TMEM178A: variants seen among roughly 807,000 people sequenced by gnomAD.
The protein encoded by TMEM178A is transmembrane protein 178A.
TMEM178A carries 12 observed loss-of-function variants against 29.1 expected under a neutral mutation model. That is an observed-to-expected ratio of 0.41 (90% CI 0.26 to 0.67). TMEM178A has a LOEUF of 0.67. TMEM178A is among the 30% of genes least tolerant of loss of function. The pLI is 0.29. For synonymous variants in TMEM178A, 210 were observed against 187.2 expected, an observed-to-expected ratio of 1.12 and a Z score of -0.99; for missense variants, 366 against 419.1, an observed-to-expected ratio of 0.87 and a Z score of 1.11.
intron 1 of TMEM178A, among the ~76,000 whole-genome samples, chr2:39,673,473 T>C (rs1490166445): frequency 6.6e-6 from 1 of 152,240 alleles, no homozygotes; most frequent in Non-Finnish European, 1.5e-5. Flanking sequence ...ATTTCGTTCA[T>C]AGGTAAAAAT....
chr2:39,723,423 A>G, the TMEM178A span, among the ~76,000 whole-genome samples: 4 of 152,362 alleles, frequency 2.6e-5, no homozygotes, highest in South Asian at 8.3e-4. Flanking sequence ...ATAAATAGAT[A>G]TATAAGTAAA....
Position 39,666,165 on chromosome 2 carries a change from A to G in TMEM178A, c.191A>G (p.His64Arg). 1 of 1,485,696 alleles carries G rather than the reference A, an allele frequency of 6.7e-7. No homozygotes were observed. Among genetic ancestry groups the G allele is most frequent in the Non-Finnish European group, 8.9e-7 (1 of 1,123,858 alleles). The allele number at this position is 1,485,696 out of a possible 1,614,324, so 92.0% of individuals were successfully genotyped here. ...AAGAACCGCCTGATGCCGCTGTCGC[A>G]CCTGCCGCTGCGGGACTCGCCCCCG... Reference protein sequence around the residue: ...DQKNRLMPLSHLPLRDSPPLG... With the variant: ...DQKNRLMPLSRLPLRDSPPLG... The change falls in exon 1 of 4, where the codon CAC becomes CGC. Residue 64 changes from histidine to arginine, a missense_variant. By Grantham distance (29) the His-to-Arg change is conservative. Transcript: ENST00000281961.
the TMEM178A span, among the ~76,000 whole-genome samples, chr2:39,731,941 G>C: frequency 2.8e-4 from 42 of 152,266 alleles, 1 homozygote; most frequent in African/African-American, 9.9e-4. Flanking sequence ...CTCCTACACA[G>C]TATGGCCTCT....
At chr2:39,733,661 A>T in the TMEM178A span, among the ~76,000 whole-genome samples, 2 of 152,178 alleles carry the variant, frequency 1.3e-5, no homozygotes, top group African/African-American at 4.8e-5. Context: ...TTTCACTAAG[A>T]TTGGTGTTTC....
rs117041627 is a variant in TMEM178A at position 39,700,928 on chromosome 2, G to C, written c.401-3153G>C. 6.7e-4 allele frequency among the ~76,000 whole-genome samples: 101 copies of C among 151,514 alleles called. 2 individuals carry two copies. In the East Asian group the frequency reaches 0.018, roughly 27 times the overall value. On this transcript the variant is annotated intron_variant, in intron 1 of 3. Transcript: ENST00000281961. ...GGATTAATACCAATTGAATTCAATA[G>C]TATATAAAAACCTTGCTTCTATATT...
rs539813456 is a variant in TMEM178A, at chr2:39,690,300, A to G, written c.401-13781A>G. On this transcript the variant is annotated intron_variant, in intron 1 of 3. Coordinates refer to ENST00000281961, the MANE Select transcript of TMEM178A (RefSeq NM_152390.3). Reference sequence around the variant, plus strand: ...GTCATGTGCCCCCAGCTATCTGTGTATATCCCTAAGTGGTGTACACAAGCT... The same window carrying G: ...GTCATGTGCCCCCAGCTATCTGTGTGTATCCCTAAGTGGTGTACACAAGCT... Among the ~76,000 whole-genome samples the G allele has an allele frequency of 5.3e-5, 8 of 152,352 alleles. No individual in the cohort carries two copies. The South Asian group carries it at 1.5e-3, about 28-fold the overall frequency.
chr2:39,717,541 T>C lies in TMEM178A; in HGVS notation c.*290T>C. 1 of 278,506 alleles carries C rather than the reference T, an allele frequency of 3.6e-6. No individual in the cohort carries two copies. The allele number at this position is 278,506 out of a possible 1,614,324, so 17.3% of individuals were successfully genotyped here. ...AGAAACTGCAATGGAAAAATTTGTATGATTTCCATTTATTTCAGAAAGTTT... is the reference window on the plus strand; with the variant it reads ...AGAAACTGCAATGGAAAAATTTGTACGATTTCCATTTATTTCAGAAAGTTT... On this transcript the variant is annotated 3_prime_UTR_variant, in exon 4 of 4. Transcript: ENST00000281961.
At chr2:39,697,075 A>G (rs1671575409) in intron 1 of TMEM178A, among the ~76,000 whole-genome samples, 1 of 152,214 alleles carries the variant, frequency 6.6e-6, no homozygotes, top group African/African-American at 2.4e-5. Flanking sequence ...AAAAAATTGG[A>G]ATCTAATGCC....
chr2:39,708,220 G>A (rs950651626), intron 3 of TMEM178A, among the ~76,000 whole-genome samples: 1 of 151,934 alleles, frequency 6.6e-6, no homozygotes, highest in East Asian at 1.9e-4. Flanking sequence ...TGGGGAAACC[G>A]CCAGTGCCAA....
At chr2:39,714,846 G>C (rs1672467754) in intron 3 of TMEM178A, among the ~76,000 whole-genome samples, 2 of 152,106 alleles carry the variant, frequency 1.3e-5, no homozygotes, top group Admixed American at 1.3e-4. Flanking sequence ...CAGAAAGATA[G>C]ATACATAGGA....
chr2:39,714,385 C>T (rs1672444156), intron 3 of TMEM178A, among the ~76,000 whole-genome samples: 1 of 151,982 alleles, frequency 6.6e-6, no homozygotes, highest in Admixed American at 6.6e-5. Context: ...ATAGAGATAA[C>T]ACTTAAATTA....
At chr2:39,688,860 C>G (rs1247722620) in intron 1 of TMEM178A, among the ~76,000 whole-genome samples, 1 of 152,164 alleles carries the variant, frequency 6.6e-6, no homozygotes, top group Non-Finnish European at 1.5e-5. Flanking sequence ...AAAGGAGCTC[C>G]TAGTTTCCAT....
chr2:39,694,146 G>A (rs954025843), intron 1 of TMEM178A, among the ~76,000 whole-genome samples: 3 of 131,802 alleles, frequency 2.3e-5, no homozygotes, highest in African/African-American at 8.6e-5. Flanking sequence ...AAAAAAAGTA[G>A]CAATAGTAGT....
chr2:39,720,774 C>G (rs922776126), downstream of TMEM178A, among the ~76,000 whole-genome samples: 3 of 152,150 alleles, frequency 2.0e-5, no homozygotes, highest in Non-Finnish European at 4.4e-5. Flanking sequence ...AGCTGACTCC[C>G]TTAGCACCAA....
At chr2:39,683,961 G>A (rs547395931) in intron 1 of TMEM178A, among the ~76,000 whole-genome samples, 149 of 152,306 alleles carry the variant, frequency 9.8e-4, no homozygotes, top group Middle Eastern at 3.4e-3. Flanking sequence ...CTGTTGGGCT[G>A]TTCCTAATTA....
downstream of TMEM178A, among the ~76,000 whole-genome samples, chr2:39,722,451 C>T (rs1420481175): frequency 5.9e-5 from 9 of 152,162 alleles, no homozygotes; most frequent in Admixed American, 5.2e-4. Context: ...CCCAAATGCT[C>T]CTTCTTGCTA....
chr2:39,708,933 G>T (rs1672181703), intron 3 of TMEM178A, among the ~76,000 whole-genome samples: 1 of 152,078 alleles, frequency 6.6e-6, no homozygotes, highest in African/African-American at 2.4e-5. Flanking sequence ...ACATTAACTG[G>T]GCATTAACAG....
intron 1 of TMEM178A, among the ~76,000 whole-genome samples, chr2:39,698,360 G>T (rs1411651767): frequency 6.6e-6 from 1 of 152,212 alleles, no homozygotes; most frequent in Non-Finnish European, 1.5e-5. Flanking sequence ...TCACAGGGTT[G>T]TTGATGAGTA....
intron 1 of TMEM178A, among the ~76,000 whole-genome samples, chr2:39,700,589 A>T (rs1671738969): frequency 6.6e-6 from 1 of 151,978 alleles, no homozygotes; most frequent in Non-Finnish European, 1.5e-5. Flanking sequence ...TGTAGACATC[A>T]TGTAGTTGGA....
Sources: gnomAD v4.1 joint callset for allele counts (sites outside exome capture counted in the v4.1 genomes callset) on GRCh38, gnomAD v4.1.1 for gene constraint, MANE v1.5 for transcripts, NCBI Gene and HGNC (gene_info 2026-07-23, HGNC 2026-07-21) for gene names.